The following ARHGEF4 variants were observed in gnomAD, a reference collection of about 807,000 sequenced individuals.
The protein encoded by ARHGEF4 is Rho guanine nucleotide exchange factor 4.
Under a neutral mutation model 162.0 loss-of-function variants are expected in ARHGEF4, and 119 were observed. The ratio of observed to expected loss-of-function variants is 0.73; its 90% CI spans 0.63 to 0.86. The LOEUF is 0.86. Ranked by LOEUF, ARHGEF4 falls within the 40% of genes least tolerant of loss-of-function variation. The pLI is 0.00. For missense variants in ARHGEF4, 2,488 were observed against 2,456.0 expected, an observed-to-expected ratio of 1.01 and a Z score of -0.28; for synonymous variants, 1,014 against 979.9, an observed-to-expected ratio of 1.03 and a Z score of -0.65.
chr2:130,982,271 T>C (rs888625112), intron 4 of ARHGEF4, among the ~76,000 whole-genome samples: 2 of 152,230 alleles, frequency 1.3e-5, no homozygotes, highest in African/African-American at 4.8e-5. Context: ...ATAACAGGCA[T>C]GAGCCACCAT....
chr2:130,948,823 A>G (rs1303690914), intron 4 of ARHGEF4, among the ~76,000 whole-genome samples: 3 of 152,188 alleles, frequency 2.0e-5, no homozygotes, highest in Non-Finnish European at 2.9e-5. Flanking sequence ...TTTTTCTTCA[A>G]AAAAGGAGTG....
chr2:130,978,749 T>C (rs1163167828), intron 4 of ARHGEF4, among the ~76,000 whole-genome samples: 1 of 144,254 alleles, frequency 6.9e-6, no homozygotes, highest in African/African-American at 2.6e-5. Context: ...TATAAATAGC[T>C]CCAAAAAAAA....
chr2:130,974,952 T>G (rs1685602637), intron 4 of ARHGEF4, among the ~76,000 whole-genome samples: 2 of 152,262 alleles, frequency 1.3e-5, no homozygotes, highest in East Asian at 3.9e-4. Context: ...AGACTCAATT[T>G]TTTGCATCAG....
chr2:130,900,016 C>G (rs1478816434), intron 1 of ARHGEF4, among the ~76,000 whole-genome samples: 1 of 152,092 alleles, frequency 6.6e-6, no homozygotes, highest in Non-Finnish European at 1.5e-5. Context: ...TAATTTCCAA[C>G]TGTTAGAGCA....
At chr2:131,002,709 CAAAAAAAAAAAAAA>C (rs66979991) in intron 4 of ARHGEF4, among the ~76,000 whole-genome samples, 4 of 53,218 alleles carry the variant, frequency 7.5e-5, no homozygotes, top group East Asian at 7.2e-4. Flanking sequence ...GACTCCGTCT[CAAAAAAAAAAAAAA>C]AAAAAAAAAA....
intron 4 of ARHGEF4, among the ~76,000 whole-genome samples, chr2:130,973,649 C>T (rs1486618171): frequency 2.0e-5 from 3 of 152,164 alleles, no homozygotes; most frequent in Non-Finnish European, 2.9e-5. Context: ...TCCCATACAG[C>T]ATAACATTTC....
At chr2:130,844,558 C>T (rs1680820859) in intron 1 of ARHGEF4, among the ~76,000 whole-genome samples, 1 of 152,154 alleles carries the variant, frequency 6.6e-6, no homozygotes, top group South Asian at 2.1e-4. Flanking sequence ...ATTGCCCATG[C>T]TCGAGAAGAG....
intron 4 of ARHGEF4, among the ~76,000 whole-genome samples, chr2:130,990,464 C>T (rs1394105254): frequency 2.0e-5 from 3 of 152,046 alleles, no homozygotes; most frequent in Non-Finnish European, 4.4e-5. Context: ...ATCCAGCTAG[C>T]ATTTTGTGCA....
intron 1 of ARHGEF4, among the ~76,000 whole-genome samples, chr2:130,877,950 G>A (rs1046107867): frequency 7.2e-5 from 11 of 152,186 alleles, no homozygotes; most frequent in Non-Finnish European, 1.3e-4. Context: ...ATAAATTAAG[G>A]GGTGCTTTAG....
rs569664477 is a variant in ARHGEF4 at position 130,877,138 on chromosome 2, G to A, written c.40-36848G>A. ...TGCCCTCCAGCTCACAGGGAGCTGC[G>A]TAGAAGCGGTGCTCCCAGGGTAAGG... On this transcript the variant is annotated intron_variant, in intron 1 of 13. Coordinates refer to ENST00000409359, the MANE Select transcript of ARHGEF4 (RefSeq NM_001367493.1). 1.6e-4 allele frequency among the ~76,000 whole-genome samples: 24 copies of A among 152,268 alleles called. No individual in the cohort carries two copies. In the South Asian group the frequency reaches 3.1e-3, roughly 20 times the overall value.
chr2:130,945,928 G>A (rs887415923), intron 3 of ARHGEF4, among the ~76,000 whole-genome samples: 1 of 152,132 alleles, frequency 6.6e-6, no homozygotes, highest in African/African-American at 2.4e-5. Context: ...GCATTTATTT[G>A]AATACATACC....
At chr2:130,873,181 T>C (rs1344399866) in intron 1 of ARHGEF4, among the ~76,000 whole-genome samples, 2 of 152,230 alleles carry the variant, frequency 1.3e-5, no homozygotes, top group East Asian at 3.8e-4. Context: ...GTCTGTGCTG[T>C]GTCTTCATTA....
intron 1 of ARHGEF4, among the ~76,000 whole-genome samples, chr2:130,865,742 C>T (rs1369597054): frequency 6.6e-6 from 1 of 152,112 alleles, no homozygotes; most frequent in Non-Finnish European, 1.5e-5. Context: ...TGCCTCCAGT[C>T]ATCTTTTCTT....
chr2:130,995,139 C>T (rs1263928094), intron 4 of ARHGEF4, among the ~76,000 whole-genome samples: 2 of 152,250 alleles, frequency 1.3e-5, no homozygotes, highest in African/African-American at 4.8e-5. Context: ...CCCTCTGTCT[C>T]ATCTTTTGGG....
intron 2 of ARHGEF4, among the ~76,000 whole-genome samples, chr2:130,921,238 A>G (rs1681855167): frequency 6.6e-6 from 1 of 152,184 alleles, no homozygotes; most frequent in Non-Finnish European, 1.5e-5. Context: ...GCGGTGGCTC[A>G]CGCCTGTAAT....
intron 3 of ARHGEF4, among the ~76,000 whole-genome samples, chr2:130,933,162 C>T (rs1682734697): frequency 6.6e-6 from 1 of 151,326 alleles, no homozygotes; most frequent in Non-Finnish European, 1.5e-5. Flanking sequence ...TCACAGTGAG[C>T]CAAGACTGCA....
In ARHGEF4 at chr2:131,045,764, C is replaced by A. The variant is rs145497316; in HGVS notation, c.5480-274C>A. 2.2e-4 allele frequency: 315 copies of A among 1,428,224 alleles called. 3 individuals are homozygous for A. In the East Asian group the frequency reaches 7.9e-3, roughly 36 times the overall value. 88.5% of individuals were successfully genotyped at this position (1,428,224 alleles called of 1,614,324 possible). ...AGGGATGGAGCTGCTTTCCCCATTTCTACAGAGAGCCATGCCCCTGAAACA... is the reference window on the plus strand; with the variant it reads ...AGGGATGGAGCTGCTTTCCCCATTTATACAGAGAGCCATGCCCCTGAAACA... On this transcript the variant is annotated intron_variant, in intron 13 of 13. Coordinates refer to ENST00000409359, the MANE Select transcript of ARHGEF4 (RefSeq NM_001367493.1).
intron 4 of ARHGEF4, chr2:131,011,627 T>C: frequency 6.5e-7 from 1 of 1,532,320 alleles, no homozygotes; most frequent in Non-Finnish European, 8.7e-7. Context: ...GTAGCTTCTC[T>C]CAAAACTGGT....
intron 1 of ARHGEF4, among the ~76,000 whole-genome samples, chr2:130,845,546 C>T (rs1336685495): frequency 6.6e-6 from 1 of 152,060 alleles, no homozygotes; most frequent in African/African-American, 2.4e-5. Flanking sequence ...ATCTGCCCAC[C>T]TCGGCCTCCC....
Sources: allele counts gnomAD v4.1 joint callset (sites outside exome capture counted in the v4.1 genomes callset), GRCh38; gene constraint gnomAD v4.1.1; transcripts MANE v1.5; gene names NCBI Gene and HGNC (gene_info 2026-07-23, HGNC 2026-07-21).